Variants in SLC2A12 observed in about 807,000 individuals in gnomAD.
The protein encoded by SLC2A12 is solute carrier family 2 member 12.
A neutral mutation model predicts 41.8 loss-of-function variants in SLC2A12; 23 were observed. The ratio of observed to expected loss-of-function variants is 0.55; its 90% CI spans 0.40 to 0.78. The LOEUF is 0.78. Among genes scored for constraint, SLC2A12 ranks in the 30% least tolerant of loss-of-function variants. The pLI is 0.00. For synonymous variants in SLC2A12, 295 were observed against 285.9 expected, an observed-to-expected ratio of 1.03 and a Z score of -0.32; for missense variants, 654 against 745.6, an observed-to-expected ratio of 0.88 and a Z score of 1.43.
chr6:134,043,824 T>A (rs998975862), intron 1 of SLC2A12, among the ~76,000 whole-genome samples: 3 of 151,804 alleles, frequency 2.0e-5, no homozygotes, highest in Admixed American at 2.0e-4. Flanking sequence ...GAAATTTTCT[T>A]GATGTCTCTA....
In SLC2A12 at chr6:134,029,144, T is replaced by C; in HGVS notation, c.681A>G (p.Lys227=). ...CCTTGCTAGCAGCTCCCTCTTGTCC[T>C]TTCATCACCAGAAACCGAGGGCTTG... ...LPPSPRFLVM[K]GQEGAASKVL... The change falls in exon 2 of 5, where the codon AAA becomes AAG. Residue 227 remains lysine, a synonymous_variant. Coordinates refer to ENST00000275230, the MANE Select transcript of SLC2A12 (RefSeq NM_145176.3). 2.5e-6 allele frequency: 4 copies of C among 1,614,136 alleles called. No homozygotes were observed. Among genetic ancestry groups the C allele is most frequent in the Non-Finnish European group, 3.4e-6 (4 of 1,180,022 alleles).
At position 134,029,086 on chromosome 6, in the gene SLC2A12, T is replaced by C. The variant is rs775974187; in HGVS notation, c.739A>G (p.Thr247Ala). ...LGRLRALSDTTEELTVIKSSL... is the reference protein window; with the variant it reads ...LGRLRALSDTAEELTVIKSSL... ...GATTTGATCACAGTGAGTTCCTCAG[T>C]TGTATCTGAGAGTGCTCTTAACCTT... Residue 247 changes from threonine (T) to alanine (A), a missense_variant, in exon 2 of 5, where the codon ACT becomes GCT. Physicochemically the swap from Thr to Ala is moderately conservative, Grantham distance 58. Around this residue, in one of 3 missense-constraint regions of SLC2A12, gnomAD observed 411 missense variants for 412.1 expected, o/e 1.00. Coordinates refer to ENST00000275230, the MANE Select transcript of SLC2A12 (RefSeq NM_145176.3). The C allele has an allele frequency of 5.6e-6, 9 of 1,614,084 alleles. No individual in the cohort carries two copies. Among genetic ancestry groups the C allele is most frequent in the Admixed American group, 1.7e-5 (1 of 60,000 alleles).
chr6:134,020,348 G>T (rs947787941), intron 2 of SLC2A12, among the ~76,000 whole-genome samples: 20 of 152,114 alleles, frequency 1.3e-4, no homozygotes, highest in African/African-American at 4.8e-4. Flanking sequence ...GGATTTATTT[G>T]TATTACAAGC....
At chr6:134,006,745 G>A in intron 3 of SLC2A12, 67 bp downstream of exon 3, 7 of 1,590,142 alleles carry the variant, frequency 4.4e-6, no homozygotes, top group Non-Finnish European at 6.0e-6. Flanking sequence ...GTCTTTAGGT[G>A]GGTGTGATTC....
Position 134,024,222 on chromosome 6 carries a change from G to A in SLC2A12, c.1444+4159C>T, listed in dbSNP as rs772485567. 1.2e-4 allele frequency among the ~76,000 whole-genome samples: 19 copies of A among 152,344 alleles called. 1 individual carries two copies. The Middle Eastern group carries it at 0.027, about 218-fold the overall frequency. ...ACTGGAGTGATGTGGCGAAAGACAT[G>A]AGTGCTGCAGTTTCCTCCCATGGAT... On this transcript the variant is annotated intron_variant, in intron 2 of 4. Coordinates refer to ENST00000275230, the MANE Select transcript of SLC2A12 (RefSeq NM_145176.3).
At chr6:134,039,088 G>C (rs1011996545) in intron 1 of SLC2A12, among the ~76,000 whole-genome samples, 2 of 151,770 alleles carry the variant, frequency 1.3e-5, no homozygotes, top group African/African-American at 4.9e-5. Context: ...TACTTGTTGA[G>C]TTCTTTTTCC....
chr6:134,010,542 C>A (rs1391815934), intron 2 of SLC2A12, among the ~76,000 whole-genome samples: 1 of 152,172 alleles, frequency 6.6e-6, no homozygotes. Flanking sequence ...AATTCGTACT[C>A]TTACAAATGT....
intron 4 of SLC2A12, among the ~76,000 whole-genome samples, chr6:133,997,187 G>T (rs1172394767): frequency 6.6e-6 from 1 of 151,686 alleles, no homozygotes; most frequent in Admixed American, 6.6e-5. Context: ...AACCTGGGAG[G>T]CGGAGCTTAC....
At position 134,029,672 on chromosome 6, in the gene SLC2A12, G is replaced by C. The variant is rs1292173955; in HGVS notation, c.153C>G (p.Gly51=). The change falls in exon 2 of 5, where the codon GGC becomes GGG. Residue 51 remains glycine (G), a synonymous_variant. Transcript: ENST00000275230. The stretch of plus-strand genomic sequence containing the variant: ...TCCCAAGTTCATAACCCACCAGGAG[G>C]CCACTGACAGCAGCAGTGACAGATG... ...FLSSVTAAVS[G]LLVGYELGII... 1 of 1,610,468 alleles carries C rather than the reference G, an allele frequency of 6.2e-7. No individual in the cohort carries two copies. The highest frequency in any genetic ancestry group is 1.3e-5 in the African/African-American group (1 of 74,834).
intron 4 of SLC2A12, among the ~76,000 whole-genome samples, chr6:133,999,653 C>T (rs1383827712): frequency 6.6e-6 from 1 of 152,186 alleles, no homozygotes; most frequent in African/African-American, 2.4e-5. Context: ...CAGCCAGCAC[C>T]TACTGCCACC....
Position 134,052,561 on chromosome 6 carries a change from A to C in SLC2A12, c.-81T>G. 1.9e-6 allele frequency: 2 copies of C among 1,040,530 alleles called. No individual in the cohort carries two copies. Among genetic ancestry groups the C allele is most frequent in the Non-Finnish European group, 2.9e-6 (2 of 682,802 alleles). The allele number at this position is 1,040,530 out of a possible 1,614,324, so 64.5% of individuals were successfully genotyped here. A position where few individuals can be genotyped will look rare whatever the true frequency, so the allele number is the denominator to read the frequency against. On this transcript the variant is annotated 5_prime_UTR_variant, in exon 1 of 5. It removes an upstream start codon present in the reference 5' UTR. Transcript: ENST00000275230. ...GCTCCCAGGAGTGGTCACTTTCCCC[A>C]TAATAGCATGCTAAAGAAGAGTGTG...
intron 1 of SLC2A12, among the ~76,000 whole-genome samples, chr6:134,037,144 A>ATTTT (rs533155835): frequency 8.4e-5 from 7 of 83,308 alleles, no homozygotes; most frequent in East Asian, 3.1e-4. Context: ...ACTCGATTCA[A>ATTTT]TTTTTTTTTT....
At chr6:133,992,993 C>A (rs1018137815) in intron 4 of SLC2A12, among the ~76,000 whole-genome samples, 11 of 152,206 alleles carry the variant, frequency 7.2e-5, no homozygotes, top group African/African-American at 2.4e-4. Context: ...TCTGTCCTCT[C>A]ATTCCGCTGA....
Position 134,029,780 on chromosome 6 carries a change from G to A in SLC2A12, c.104-59C>T, listed in dbSNP as rs1382027548. 3.9e-6 allele frequency: 6 copies of A among 1,519,054 alleles called. No individual in the cohort carries two copies. The Admixed American group carries it at 6.2e-5, about 16-fold the overall frequency. The allele number at this position is 1,519,054 out of a possible 1,614,324, so 94.1% of individuals were successfully genotyped here. A position where few individuals can be genotyped will look rare whatever the true frequency, so the allele number is the denominator to read the frequency against. ...TCTCAGTTGAGATTTTAAACATTTT[G>A]TATTTGAGCGGAGATTTAACCTTGT... On this transcript the variant is annotated intron_variant, in intron 1 of 4. Transcript: ENST00000275230.
intron 2 of SLC2A12, among the ~76,000 whole-genome samples, chr6:134,027,368 G>T (rs1251771146): frequency 6.6e-6 from 1 of 152,066 alleles, no homozygotes; most frequent in African/African-American, 2.4e-5. Flanking sequence ...CTTCTTATTG[G>T]CCTGAACCTC....
chr6:134,011,947 C>T (rs1233078735), intron 2 of SLC2A12, among the ~76,000 whole-genome samples: 1 of 151,956 alleles, frequency 6.6e-6, no homozygotes, highest in East Asian at 1.9e-4. Context: ...GAAGCTAAGG[C>T]AGGAGAATCG....
chr6:133,997,009 A>G (rs1462234667), intron 4 of SLC2A12, among the ~76,000 whole-genome samples: 1 of 149,028 alleles, frequency 6.7e-6, no homozygotes, highest in Non-Finnish European at 1.5e-5. Context: ...CAGGAGGCAA[A>G]GGCGGGCAGA....
Position 134,029,056 on chromosome 6 carries a change from G to T in SLC2A12, c.769C>A (p.Leu257Met). 1 of 1,614,194 alleles carries T rather than the reference G, an allele frequency of 6.2e-7. No individual in the cohort carries two copies. The highest frequency in any genetic ancestry group is 8.5e-7 in the Non-Finnish European group (1 of 1,180,032). Residue 257 changes from leucine to methionine, a missense_variant, in exon 2 of 5, where the codon CTG becomes ATG. Leu to Met is a conservative substitution (Grantham distance 15). Coordinates refer to ENST00000275230, the MANE Select transcript of SLC2A12 (RefSeq NM_145176.3). ...AAACTGTACTGATATTCATCTTTCA[G>T]GGAGGATTTGATCACAGTGAGTTCC... ...TEELTVIKSS[L>M]KDEYQYSFWD... is the part of the protein sequence containing the mutation.
intron 2 of SLC2A12, among the ~76,000 whole-genome samples, chr6:134,024,720 T>A (rs1342376645): frequency 1.3e-5 from 2 of 152,218 alleles, no homozygotes; most frequent in Non-Finnish European, 2.9e-5. Context: ...TTTAAATGTA[T>A]CTTATATAAA....
Sources: gnomAD v4.1 joint callset for allele counts (sites outside exome capture counted in the v4.1 genomes callset) on GRCh38, gnomAD v4.1.1 for gene constraint, gnomAD v4.1.1 regional missense constraint, MANE v1.5 for transcripts, NCBI Gene and HGNC (gene_info 2026-07-23, HGNC 2026-07-21) for gene names.